Variants in CDK11B observed in about 807,000 individuals in gnomAD.
The protein encoded by CDK11B is cyclin dependent kinase 11B, also known as cyclin-dependent kinase 11B.
Under a neutral mutation model 84.0 loss-of-function variants are expected in CDK11B, and 37 were observed. That is an observed-to-expected ratio of 0.44 (90% CI 0.34 to 0.58). CDK11B has a LOEUF of 0.58. CDK11B is among the 20% of genes least tolerant of loss of function. The probability of loss-of-function intolerance (pLI) is 0.02; values close to 1 mark genes in which losing one functional copy is unlikely to be tolerated. For missense variants in CDK11B, 427 were observed against 834.0 expected, an observed-to-expected ratio of 0.51 and a Z score of 6.01; for synonymous variants, 269 against 309.8, an observed-to-expected ratio of 0.87 and a Z score of 1.38.
At chr1:1,652,402 T>C in intron 4 of CDK11B, 37 bp downstream of exon 4, 2 of 1,473,632 alleles carry the variant, frequency 1.4e-6, no homozygotes, top group Non-Finnish European at 1.8e-6. Context: ...GAAACCACAC[T>C]TGAACATGAT....
In CDK11B at chr1:1,636,936, G is replaced by T; in HGVS notation, c.1761C>A (p.Thr587=). 6.2e-7 allele frequency: 1 copy of T among 1,607,574 alleles called. No individual in the cohort carries two copies. The highest frequency in any genetic ancestry group is 8.5e-7 in the Non-Finnish European group (1 of 1,176,002). The stretch of plus-strand genomic sequence containing the variant: ...GCAGCTCTGGGGCGCGGTACCACAG[G>T]GTCACCACGACCGGGGTGTAGGCCT... ...PLKAYTPVVV[T]LWYRAPELLL... is the part of the protein sequence containing the mutation. The change falls in exon 16 of 20, where the codon ACC becomes ACA. Residue 587 remains threonine (T), a synonymous_variant. Coordinates refer to ENST00000341832, the MANE Select transcript of CDK11B (RefSeq NM_033486.3).
chr1:1,651,654 G>A (rs1162145654), intron 4 of CDK11B, among the ~76,000 whole-genome samples: 2 of 151,086 alleles, frequency 1.3e-5, no homozygotes, highest in African/African-American at 2.4e-5. Flanking sequence ...CCTTCTGAAC[G>A]GTCTGTGACA....
Position 1,654,187 on chromosome 1 carries a change from G to A in CDK11B, c.227+1182C>T, listed in dbSNP as rs367943574. ...CCTTTAATTACTAATACCTGATGAC[G>A]TATACGAGCTAGATATGAGAAGAAA... On this transcript the variant is annotated intron_variant, in intron 3 of 19. Transcript: ENST00000341832. 8.6e-4 allele frequency: 397 copies of A among 461,366 alleles called. 6 individuals carry two copies. Among genetic ancestry groups the A allele is most frequent in the South Asian group, 5.9e-3 (381 of 64,638 alleles). The allele number at this position is 461,366 out of a possible 1,614,324, so 28.6% of individuals were successfully genotyped here.
intron 3 of CDK11B, among the ~76,000 whole-genome samples, chr1:1,655,046 G>A (rs369027397): frequency 1.6e-4 from 24 of 151,960 alleles, no homozygotes; most frequent in Admixed American, 2.0e-4. Flanking sequence ...CTTGGCCTCC[G>A]AAAGTGCTGA....
chr1:1,639,820 G>A (rs1183753177), intron 11 of CDK11B, among the ~76,000 whole-genome samples: 1 of 152,066 alleles, frequency 6.6e-6, no homozygotes, highest in Non-Finnish European at 1.5e-5. Context: ...CTGCCTTATT[G>A]ATAGCTGCCT....
In CDK11B at chr1:1,649,530, C is replaced by T; in HGVS notation, c.463G>A (p.Glu155Lys). The T allele has an allele frequency of 1.3e-6, 2 of 1,600,000 alleles. No homozygotes were observed. The highest frequency in any genetic ancestry group is 1.7e-6 in the Non-Finnish European group (2 of 1,167,342). The change falls in exon 5 of 20, where the codon GAG becomes AAG. Residue 155 changes from glutamate (E) to lysine (K), a missense_variant. This residue lies in a region of CDK11B where 71 missense variants were observed against 66.2 expected (regional missense o/e 1.07). Coordinates refer to ENST00000341832, the MANE Select transcript of CDK11B (RefSeq NM_033486.3). ...CTCCTGGAATGCTCCCTTGCCATCT[C>T]CCTTCTCTTCTGTCTTTCCCATTCC... Reference protein sequence around the residue: ...RREWERQKRREMAREHSRRER... With the variant: ...RREWERQKRRKMAREHSRRER...
At chr1:1,643,670 G>C (rs1266747069) in intron 6 of CDK11B, among the ~76,000 whole-genome samples, 155 of 144,390 alleles carry the variant, frequency 1.1e-3, no homozygotes, top group African/African-American at 4.1e-3. Flanking sequence ...AGAAACCAGA[G>C]AGAAATTCCA....
At chr1:1,641,232 G>A in intron 9 of CDK11B, 119 bp from the exon 10 acceptor site, 1 of 1,526,916 alleles carries the variant, frequency 6.5e-7, no homozygotes, top group South Asian at 1.2e-5. Context: ...ATGCAGGCCG[G>A]GCGCGGTGGC....
intron 11 of CDK11B, among the ~76,000 whole-genome samples, chr1:1,639,132 G>T (rs1639856342): frequency 6.6e-6 from 1 of 151,468 alleles, no homozygotes; most frequent in African/African-American, 2.4e-5. Flanking sequence ...GTAGAGACAG[G>T]ATTTCACCAT....
chr1:1,638,177 T>G (rs1383119331), intron 12 of CDK11B, among the ~76,000 whole-genome samples: 3 of 151,754 alleles, frequency 2.0e-5, no homozygotes, highest in African/African-American at 7.2e-5. Context: ...CGGCCTCACC[T>G]GGGATCCCAG....
intron 14 of CDK11B, 24 bp downstream of exon 14, chr1:1,637,384 C>G (rs369063022): frequency 1.2e-6 from 2 of 1,609,254 alleles, no homozygotes; most frequent in Non-Finnish European, 1.7e-6. Flanking sequence ...TGTACGCAGA[C>G]AGGCCCCTGG....
chr1:1,637,739 A>G (rs767846575), intron 13 of CDK11B, 23 bp downstream of exon 13: 13 of 1,613,704 alleles, frequency 8.1e-6, no homozygotes, highest in Non-Finnish European at 1.1e-5. Context: ...ACCCGGGGCC[A>G]GGCGTGGTGG....
intron 12 of CDK11B, 141 bp from the exon 13 acceptor site, chr1:1,638,024 T>A: frequency 6.9e-7 from 1 of 1,451,054 alleles, no homozygotes; most frequent in Non-Finnish European, 9.3e-7. Context: ...TGGGGGCACG[T>A]GGGCACCAGG....
intron 5 of CDK11B, chr1:1,646,126 G>A (rs113910782): frequency 2.1e-4 from 99 of 471,176 alleles, no homozygotes; most frequent in African/African-American, 1.5e-3. Context: ...ATGTTTGTAC[G>A]CTGCGTCTTT....
chr1:1,656,987 A>G (rs868842908), intron 2 of CDK11B, among the ~76,000 whole-genome samples: 4 of 152,230 alleles, frequency 2.6e-5, no homozygotes, highest in Admixed American at 6.5e-5. Flanking sequence ...TCCTGAGTAC[A>G]TTACCATGCA....
intron 10 of CDK11B, among the ~76,000 whole-genome samples, chr1:1,640,822 G>A (rs1343349197): frequency 3.9e-5 from 6 of 152,066 alleles, no homozygotes; most frequent in Non-Finnish European, 5.9e-5. Flanking sequence ...CTGGTCCTGG[G>A]CTTCCCAGCT....
rs572289292 is a variant in CDK11B, at chr1:1,654,025, C to A, written c.227+1344G>T. The A allele has an allele frequency of 9.7e-6, 4 of 410,554 alleles. No individual in the cohort carries two copies. The East Asian group carries it at 3.0e-4, about 31-fold the overall frequency. The allele number at this position is 410,554 out of a possible 1,614,324, so 25.4% of individuals were successfully genotyped here. ...CTCTGTGTCAAAGCAACAACAACAA[C>A]AACAAAACAATCTTCATAATCTCAA... On this transcript the variant is annotated intron_variant, in intron 3 of 19. Transcript: ENST00000341832.
chr1:1,639,010 G>A (rs867126636), intron 11 of CDK11B, among the ~76,000 whole-genome samples: 1 of 145,764 alleles, frequency 6.9e-6, no homozygotes, highest in Non-Finnish European at 1.5e-5. Context: ...GTGAGATCTC[G>A]GCTCACTGCA....
chr1:1,654,953 C>T (rs765215475), intron 3 of CDK11B, among the ~76,000 whole-genome samples: 7 of 152,054 alleles, frequency 4.6e-5, no homozygotes, highest in East Asian at 1.9e-4. Flanking sequence ...CCACCGCGCC[C>T]GGCCTTTTTT....
Sources: allele counts gnomAD v4.1 joint callset (sites outside exome capture counted in the v4.1 genomes callset), GRCh38; gene constraint gnomAD v4.1.1; regional missense constraint gnomAD v4.1.1; transcripts MANE v1.5; gene names NCBI Gene and HGNC (gene_info 2026-07-23, HGNC 2026-07-21).